Variants in LRRC28 observed in about 807,000 individuals in gnomAD.
LRRC28 encodes the protein leucine rich repeat containing 28, also known as leucine-rich repeat-containing protein 28.
In LRRC28, 39 loss-of-function variants were observed where a neutral mutation model predicts 45.7. The observed-to-expected ratio is 0.85, with a 90% CI of 0.66 to 1.12. The LOEUF (loss-of-function observed/expected upper bound fraction) is 1.12, where lower values mean the gene tolerates loss of function less well. LRRC28 is among the 50% of genes most tolerant of loss of function. The probability of loss-of-function intolerance (pLI) is 0.00; values close to 1 mark genes in which losing one functional copy is unlikely to be tolerated. For missense variants in LRRC28, 435 were observed against 438.5 expected, an observed-to-expected ratio of 0.99 and a Z score of 0.07; for synonymous variants, 206 against 178.8, an observed-to-expected ratio of 1.15 and a Z score of -1.22.
At chr15:99,312,039 T>G (rs1283007728) in intron 5 of LRRC28, among the ~76,000 whole-genome samples, 1 of 152,128 alleles carries the variant, frequency 6.6e-6, no homozygotes, top group Non-Finnish European at 1.5e-5. Flanking sequence ...AAAAAAACCC[T>G]CAAGAATTAT....
rs186739198 is a variant in LRRC28, at chr15:99,323,685, A to G, written c.386-10238A>G. The stretch of plus-strand genomic sequence containing the variant: ...ATTTTGATAATAAAAAACTTCATCA[A>G]TTACAGAAGTATTTATATTGAGTTT... On this transcript the variant is annotated intron_variant, in intron 5 of 9. Coordinates refer to ENST00000301981, the MANE Select transcript of LRRC28 (RefSeq NM_144598.5). Among the ~76,000 whole-genome samples the G allele has an allele frequency of 3.3e-5, 5 of 152,354 alleles. No individual in the cohort carries two copies. In the East Asian group the frequency reaches 9.6e-4, roughly 29 times the overall value.
chr15:99,345,820 A>G (rs542048039), intron 6 of LRRC28, among the ~76,000 whole-genome samples: 1 of 152,340 alleles, frequency 6.6e-6, no homozygotes, highest in Non-Finnish European at 1.5e-5. Context: ...TGACCTTGCA[A>G]CCGATAAGAT....
rs139977527 is a variant in LRRC28 at position 99,316,397 on chromosome 15, T to C, written c.386-17526T>C. On this transcript the variant is annotated intron_variant, in intron 5 of 9. Transcript: ENST00000301981. ...CTAGCATTCTATCTGGCCCTTTTCTTGTGAAGAATTTGTGTGGTAGAAACC... is the reference window on the plus strand; with the variant it reads ...CTAGCATTCTATCTGGCCCTTTTCTCGTGAAGAATTTGTGTGGTAGAAACC... Among the ~76,000 whole-genome samples, 1,285 of 152,304 alleles carry C rather than the reference T, an allele frequency of 8.4e-3. 9 individuals are homozygous for C. Among genetic ancestry groups the C allele is most frequent in the Middle Eastern group, 0.065 (19 of 294 alleles).
intron 9 of LRRC28, among the ~76,000 whole-genome samples, chr15:99,378,308 G>A (rs550731722): frequency 3.6e-4 from 55 of 152,302 alleles, no homozygotes; most frequent in African/African-American, 1.2e-3. Flanking sequence ...TGAAGCAATT[G>A]TGAATGGGAG....
chr15:99,386,036 A>G lies in LRRC28; in HGVS notation c.1038A>G (p.Thr346=). The change falls in exon 10 of 10, where the codon ACA becomes ACG. Residue 346 remains threonine, a synonymous_variant. Coordinates refer to ENST00000301981, the MANE Select transcript of LRRC28 (RefSeq NM_144598.5). The part of the protein sequence containing the change: ...TPMAGLHQWK[T]TVSFVAYCCS... ...TCCCTTTTTCCCCTTCCAGGAAGAC[A>G]ACTGTTAGTTTTGTGGCTTACTGCT... 1 of 1,614,096 alleles carries G rather than the reference A, an allele frequency of 6.2e-7. No individual in the cohort carries two copies. The highest frequency in any genetic ancestry group is 1.1e-5 in the South Asian group (1 of 91,082).
rs926321751 is a variant in LRRC28, at chr15:99,356,273, A to G, written c.695+3802A>G. 2.6e-5 allele frequency among the ~76,000 whole-genome samples: 4 copies of G among 152,328 alleles called. No homozygotes were observed. The East Asian group carries it at 7.7e-4, about 29-fold the overall frequency. On this transcript the variant is annotated intron_variant, in intron 7 of 9. Coordinates refer to ENST00000301981, the MANE Select transcript of LRRC28 (RefSeq NM_144598.5). Reference sequence around the variant, plus strand: ...CAGAGACTCCAATTTGAGATGACCCAGATTGTTGAAGTGACAGAGATTTCA... The same window carrying G: ...CAGAGACTCCAATTTGAGATGACCCGGATTGTTGAAGTGACAGAGATTTCA...
Position 99,259,451 on chromosome 15 carries a change from A to G in LRRC28, c.168+3326A>G, listed in dbSNP as rs904223929. 5 of 1,274,386 alleles carry G rather than the reference A, an allele frequency of 3.9e-6. No homozygotes were observed. In the African/African-American group the frequency reaches 7.3e-5, roughly 19 times the overall value. 78.9% of individuals were successfully genotyped at this position (1,274,386 alleles called of 1,614,324 possible). ...TAAGGAGAGTCATGAAGCAGTTGAG[A>G]AAGAATTTGAGCCTCTGCCCAATTG... On this transcript the variant is annotated intron_variant, in intron 2 of 9. Coordinates refer to ENST00000301981, the MANE Select transcript of LRRC28 (RefSeq NM_144598.5).
chr15:99,287,312 AT>A lies in LRRC28; in HGVS notation c.247+22del. On this transcript the variant is annotated intron_variant, in intron 4 of 9. Coordinates refer to ENST00000301981, the MANE Select transcript of LRRC28 (RefSeq NM_144598.5). ...TCCGGAAGGTATGTTTAACTTAAAA[AT>A]TTTAGTTAGAAGATAATATAATTTA... The A allele has an allele frequency of 1.3e-6, 2 of 1,517,646 alleles. No homozygotes were observed. Among genetic ancestry groups the A allele is most frequent in the Non-Finnish European group, 8.9e-7 (1 of 1,126,408 alleles). The allele number at this position is 1,517,646 out of a possible 1,614,324, so 94.0% of individuals were successfully genotyped here. A position where few individuals can be genotyped will look rare whatever the true frequency, so the allele number is the denominator to read the frequency against.
chr15:99,285,246 T>C, intron 3 of LRRC28: 1 of 733,344 alleles, frequency 1.4e-6, no homozygotes, highest in East Asian at 2.5e-5. Flanking sequence ...TCTTCTTTAA[T>C]GTCATCAACA....
chr15:99,361,362 A>T lies in LRRC28; in HGVS notation c.722A>T (p.Glu241Val). Reference sequence around the variant, plus strand: ...TGTGGTGCTCCCATTCAAGTTTCCGAGGTGAAGCTGCTTTCCTTTTCATCA... The same window carrying T: ...TGTGGTGCTCCCATTCAAGTTTCCGTGGTGAAGCTGCTTTCCTTTTCATCA... ...SGCGAPIQVS[E>V]VKLLSFSSGQ... is the part of the protein sequence containing the mutation. Residue 241 changes from glutamate to valine, a missense_variant, in exon 8 of 10, where the codon GAG becomes GTG. Transcript: ENST00000301981. The T allele has an allele frequency of 6.2e-7, 1 of 1,613,314 alleles. No individual in the cohort carries two copies. Among genetic ancestry groups the T allele is most frequent in the Non-Finnish European group, 8.5e-7 (1 of 1,179,754 alleles).
chr15:99,321,502 A>G (rs1955796539), intron 5 of LRRC28, among the ~76,000 whole-genome samples: 2 of 152,190 alleles, frequency 1.3e-5, no homozygotes, highest in Non-Finnish European at 1.5e-5. Context: ...ATTCACAGAG[A>G]TAATTATAAG....
intron 9 of LRRC28, among the ~76,000 whole-genome samples, chr15:99,374,376 T>TA (rs547858410): frequency 1.3e-3 from 203 of 152,364 alleles, no homozygotes; most frequent in African/African-American, 4.0e-3. Flanking sequence ...TACTGTGTTT[T>TA]AAAATTTCAA....
At chr15:99,383,276 C>T (rs551920294) in intron 9 of LRRC28, among the ~76,000 whole-genome samples, 13 of 152,314 alleles carry the variant, frequency 8.5e-5, no homozygotes, top group African/African-American at 2.6e-4. Flanking sequence ...CTACAGCATC[C>T]TATTTAAGAT....
chr15:99,259,350 C>T, intron 2 of LRRC28: 1 of 1,539,630 alleles, frequency 6.5e-7, no homozygotes, highest in South Asian at 1.1e-5. Flanking sequence ...TGCATTCAGG[C>T]CCTTCCCGAA....
At chr15:99,309,279 C>G (rs893111943) in intron 5 of LRRC28, among the ~76,000 whole-genome samples, 4 of 152,164 alleles carry the variant, frequency 2.6e-5, no homozygotes, top group Non-Finnish European at 4.4e-5. Context: ...CCCCTGGGTT[C>G]AAAAAACAGA....
Position 99,255,899 on chromosome 15 carries a change from A to C in LRRC28, c.-59A>C, listed in dbSNP as rs769293370. On this transcript the variant is annotated splice_region_variant and 5_prime_UTR_variant, in exon 2 of 10. Coordinates refer to ENST00000301981, the MANE Select transcript of LRRC28 (RefSeq NM_144598.5). ...TAAATTTTCTCGTTCTCTTTATAGA[A>C]ATGGACCAATTTTGACAAGATATAG... is the stretch of plus-strand genomic sequence containing the variant. The C allele has an allele frequency of 5.9e-6, 9 of 1,518,284 alleles. No individual in the cohort carries two copies. The highest frequency in any genetic ancestry group is 2.4e-4 in the Middle Eastern group (1 of 4,110). The allele number at this position is 1,518,284 out of a possible 1,614,324, so 94.1% of individuals were successfully genotyped here. A position where few individuals can be genotyped will look rare whatever the true frequency, so the allele number is the denominator to read the frequency against.
intron 6 of LRRC28, among the ~76,000 whole-genome samples, chr15:99,345,171 A>G (rs1956639202): frequency 6.6e-6 from 1 of 152,162 alleles, no homozygotes; most frequent in East Asian, 1.9e-4. Context: ...TTTAGTAAAT[A>G]GAACAAGGAT....
chr15:99,253,221 A>G (rs1481242108), intron 1 of LRRC28, among the ~76,000 whole-genome samples: 1 of 152,040 alleles, frequency 6.6e-6, no homozygotes, highest in Non-Finnish European at 1.5e-5. Flanking sequence ...CCCGGTTTCA[A>G]GAGATTCTCC....
At chr15:99,309,526 A>G (rs1316702281) in intron 5 of LRRC28, among the ~76,000 whole-genome samples, 1 of 152,140 alleles carries the variant, frequency 6.6e-6, no homozygotes, top group African/African-American at 2.4e-5. Context: ...CTCCTGCCTC[A>G]GCCTCCTGAG....
Sources: allele counts gnomAD v4.1 joint callset (sites outside exome capture counted in the v4.1 genomes callset), GRCh38; gene constraint gnomAD v4.1.1; transcripts MANE v1.5; gene names NCBI Gene and HGNC (gene_info 2026-07-23, HGNC 2026-07-21).